Variants in RBFOX3 observed in about 807,000 individuals in gnomAD.
RBFOX3 encodes the protein RNA binding fox-1 homolog 3.
A neutral mutation model predicts 48.7 loss-of-function variants in RBFOX3; 17 were observed. The observed-to-expected ratio is 0.35, with a 90% CI of 0.24 to 0.52. The LOEUF is 0.52. RBFOX3 is among the 20% of genes least tolerant of loss of function. The pLI is 0.94. For missense variants in RBFOX3, 382 were observed against 497.5 expected (o/e 0.77, Z 2.21); for synonymous variants, 212 against 209.5 (o/e 1.01, Z -0.10).
At chr17:79,616,582 A>AACACACACAC in the RBFOX3 span, among the ~76,000 whole-genome samples, 194 of 145,736 alleles carry the variant, frequency 1.3e-3, no homozygotes, top group Middle Eastern at 3.5e-3. Context: ...TCTCTATACA[A>AACACACACAC]ACACACACAC....
rs1372818425 is a variant in RBFOX3 at position 79,443,754 on chromosome 17, C to T, written c.-175+38700G>A. ...TACTTGGGATCGCAGCCTCTTCTCC[C>T]TTGTCTAATGACCACACTGTCCCAC... is the stretch of plus-strand genomic sequence containing the variant. On this transcript the variant is annotated intron_variant, in intron 2 of 14. Coordinates refer to ENST00000693108, the MANE Select transcript of RBFOX3 (RefSeq NM_001350451.2). This position sits in a 1 kb window ranked among gnomAD's most constrained non-coding sequence, Gnocchi z 4.4. Among the ~76,000 whole-genome samples the T allele has an allele frequency of 6.6e-6, 1 of 152,178 alleles. No homozygotes were observed. The highest frequency in any genetic ancestry group is 6.5e-5 in the Admixed American group (1 of 15,278).
At chr17:79,090,981 T>C in intron 14 of RBFOX3, 96 bp from the exon 15 acceptor site, 1 of 1,284,522 alleles carries the variant, frequency 7.8e-7, no homozygotes, top group East Asian at 2.6e-5. Flanking sequence ...GCCCCTGGCC[T>C]AAAGTCCTGG....
Position 79,106,746 on chromosome 17 carries a change from G to A in RBFOX3, c.265C>T (p.Pro89Ser). The change falls in exon 6 of 15, where the codon CCC (proline) becomes TCC (serine). Residue 89 changes from proline to serine, a missense_variant. This residue lies in a region of RBFOX3 where 118 missense variants were observed against 132.1 expected (regional missense o/e 0.89). Coordinates refer to ENST00000693108, the MANE Select transcript of RBFOX3 (RefSeq NM_001350451.2). ...AAQTDSQPLH[P>S]SDPTEKQQPK... The stretch of plus-strand genomic sequence containing the variant: ...TGCTGCTTCTCTGTAGGGTCGGAGG[G>A]GTGGAGCGGCTGGCTGTCCGTCTGT... 6.6e-7 allele frequency: 1 copy of A among 1,524,668 alleles called. No homozygotes were observed. The highest frequency in any genetic ancestry group is 8.8e-7 in the Non-Finnish European group (1 of 1,136,560). The allele number at this position is 1,524,668 out of a possible 1,614,324, so 94.4% of individuals were successfully genotyped here. A position where few individuals can be genotyped will look rare whatever the true frequency, so the allele number is the denominator to read the frequency against.
chr17:79,562,287 G>A (rs979401113), intron 1 of RBFOX3, among the ~76,000 whole-genome samples: 4 of 152,128 alleles, frequency 2.6e-5, no homozygotes, highest in South Asian at 2.1e-4. Context: ...ATCCACACAC[G>A]GAGCTGAGTG....
intron 1 of RBFOX3, among the ~76,000 whole-genome samples, chr17:79,569,594 T>C (rs2092591450): frequency 2.0e-5 from 3 of 152,376 alleles, no homozygotes; most frequent in African/African-American, 7.2e-5. Context: ...TGTCAGTAGA[T>C]TTCTTTAATC....
chr17:79,647,430 T>C, the RBFOX3 span, among the ~76,000 whole-genome samples: 2 of 152,160 alleles, frequency 1.3e-5, no homozygotes, highest in East Asian at 1.9e-4. Flanking sequence ...CTGCCACTCA[T>C]GTCAGCAATG....
At chr17:79,607,866 C>A (rs1034024225) in intron 1 of RBFOX3, among the ~76,000 whole-genome samples, 24 of 152,230 alleles carry the variant, frequency 1.6e-4, no homozygotes, top group African/African-American at 5.8e-4. Context: ...GATAATCTCT[C>A]CATTTCACCG....
intron 4 of RBFOX3, among the ~76,000 whole-genome samples, chr17:79,176,879 A>C (rs1333031838): frequency 6.6e-6 from 1 of 152,212 alleles, no homozygotes; most frequent in East Asian, 1.9e-4. Flanking sequence ...AAGGCAGAAG[A>C]AAAAGGGTTA....
chr17:79,465,900 C>T (rs1555753403), intron 2 of RBFOX3, among the ~76,000 whole-genome samples: 1 of 152,244 alleles, frequency 6.6e-6, no homozygotes, highest in Non-Finnish European at 1.5e-5. Context: ...CAAAGCCACT[C>T]CTCCGGCTCC....
intron 1 of RBFOX3, among the ~76,000 whole-genome samples, chr17:79,487,915 A>AAAAAAAAAAAAAAAC: frequency 6.8e-6 from 1 of 147,056 alleles, no homozygotes; most frequent in African/African-American, 2.6e-5. Context: ...CCATCTCAGA[A>AAAAAAAAAAAAAAAC]AAAAAAAAAA....
In RBFOX3 at chr17:79,306,076, C is replaced by G. The variant is rs1183551515; in HGVS notation, c.-74+1648G>C. ...TCCAGCGGGTGAAAGCCAGAAAGCA[C>G]AGACGGAATCTAGCCGATAGGGCTC... On this transcript the variant is annotated intron_variant, in intron 3 of 14. Coordinates refer to ENST00000693108, the MANE Select transcript of RBFOX3 (RefSeq NM_001350451.2). Among the ~76,000 whole-genome samples the G allele has an allele frequency of 2.6e-5, 4 of 152,380 alleles. No individual in the cohort carries two copies. The East Asian group carries it at 7.7e-4, about 29-fold the overall frequency.
intron 1 of RBFOX3, among the ~76,000 whole-genome samples, chr17:79,578,768 G>C (rs1276198878): frequency 6.6e-6 from 1 of 152,254 alleles, no homozygotes; most frequent in African/African-American, 2.4e-5. Context: ...GGTGTGGGTA[G>C]CTGGTGTAGG....
At chr17:79,189,362 T>C (rs1380797) in intron 4 of RBFOX3, among the ~76,000 whole-genome samples, 105,435 of 152,092 alleles carry the variant, frequency 0.69, 36,694 homozygotes, top group Middle Eastern at 0.77. Context: ...CTTGGATTTA[T>C]GGGAGCCCTT....
chr17:79,419,865 G>A (rs77128641), intron 2 of RBFOX3, among the ~76,000 whole-genome samples: 5,669 of 152,254 alleles, frequency 0.037, 153 homozygotes, highest in South Asian at 0.069. Flanking sequence ...GGTGGCTCAT[G>A]CCTGTAATCC....
At chr17:79,266,589 A>G (rs1461371732) in intron 3 of RBFOX3, among the ~76,000 whole-genome samples, 15 of 151,974 alleles carry the variant, frequency 9.9e-5, no homozygotes. Context: ...GGTCTTTAGA[A>G]AGTTATGAGA....
At chr17:79,519,058 C>A (rs2085674679) in intron 1 of RBFOX3, among the ~76,000 whole-genome samples, 1 of 152,166 alleles carries the variant, frequency 6.6e-6, no homozygotes, top group Non-Finnish European at 1.5e-5. Context: ...CTGGCAGCTC[C>A]CCCTAAGGCC....
rs1172528719 is a variant in RBFOX3 at position 79,479,020 on chromosome 17, G to T, written c.-175+3434C>A. ...AAGGACTCGCCTGCAGTGATGGGGA[G>T]TCTCGGTCGAAGGGCTCCTTGCCAA... On this transcript the variant is annotated intron_variant, in intron 2 of 14. Coordinates refer to ENST00000693108, the MANE Select transcript of RBFOX3 (RefSeq NM_001350451.2). This position sits in a 1 kb window ranked among gnomAD's most constrained non-coding sequence, Gnocchi z 5.1. 1.3e-5 allele frequency among the ~76,000 whole-genome samples: 2 copies of T among 152,226 alleles called. No homozygotes were observed. Among genetic ancestry groups the T allele is most frequent in the Non-Finnish European group, 2.9e-5 (2 of 68,044 alleles).
At chr17:79,530,730 C>T (rs994378033) in intron 1 of RBFOX3, among the ~76,000 whole-genome samples, 3 of 152,202 alleles carry the variant, frequency 2.0e-5, no homozygotes, top group East Asian at 1.9e-4. Context: ...GAAGCCCAGA[C>T]GGGACAATCA....
chr17:79,324,208 G>A (rs59846681), intron 2 of RBFOX3, among the ~76,000 whole-genome samples: 6,225 of 152,284 alleles, frequency 0.041, 582 homozygotes, highest in East Asian at 0.3. Context: ...CAGCCTGCAA[G>A]CATCTGGGAA....
Sources: allele counts gnomAD v4.1 joint callset (sites outside exome capture counted in the v4.1 genomes callset), GRCh38; gene constraint gnomAD v4.1.1; regional missense constraint gnomAD v4.1.1; non-coding constraint Gnocchi (gnomAD v3.1); transcripts MANE v1.5; gene names NCBI Gene and HGNC (gene_info 2026-07-23, HGNC 2026-07-21).